ATE1: variants seen among roughly 807,000 people sequenced by gnomAD.
ATE1 encodes the protein arginyl-tRNA--protein transferase 1.
ATE1 carries 36 observed loss-of-function variants against 70.5 expected under a neutral mutation model. That is an observed-to-expected ratio of 0.51 (90% CI 0.39 to 0.67). The LOEUF is 0.67. Among genes scored for constraint, ATE1 ranks in the 30% least tolerant of loss-of-function variants. The pLI is 0.00. For synonymous variants in ATE1, 232 were observed against 219.3 expected, an observed-to-expected ratio of 1.06 and a Z score of -0.51; for missense variants, 593 against 629.5, an observed-to-expected ratio of 0.94 and a Z score of 0.62.
chr10:121,892,872 A>G (rs1329223661), intron 7 of ATE1, among the ~76,000 whole-genome samples: 1 of 152,176 alleles, frequency 6.6e-6, no homozygotes, highest in Non-Finnish European at 1.5e-5. Flanking sequence ...TATTAAGACC[A>G]CTGACATCCA....
At chr10:121,891,954 G>T (rs1470980748) in intron 7 of ATE1, among the ~76,000 whole-genome samples, 1 of 152,098 alleles carries the variant, frequency 6.6e-6, no homozygotes, top group Non-Finnish European at 1.5e-5. Context: ...ACTTTTCAAA[G>T]AACTTTTTTG....
intron 1 of ATE1, 28 bp downstream of exon 1, chr10:121,927,816 C>T: frequency 6.5e-7 from 1 of 1,539,714 alleles, no homozygotes; most frequent in Non-Finnish European, 8.7e-7. Context: ...CGCCCGGCTT[C>T]CCACGCCCGC....
chr10:121,913,776 C>A lies in ATE1; in HGVS notation c.337+14G>T. ...GACAGATAGTAAATCGTTTTTAGAC[C>A]CAGCCCATCTTACCCTCACAACTTC... On this transcript the variant is annotated intron_variant, in intron 4 of 11. Transcript: ENST00000224652. 3.8e-6 allele frequency: 6 copies of A among 1,575,518 alleles called. No individual in the cohort carries two copies. Among genetic ancestry groups the A allele is most frequent in the Non-Finnish European group, 5.2e-6 (6 of 1,150,142 alleles).
At chr10:121,853,894 T>C (rs978645435) in intron 8 of ATE1, among the ~76,000 whole-genome samples, 2 of 152,188 alleles carry the variant, frequency 1.3e-5, no homozygotes, top group Non-Finnish European at 2.9e-5. Context: ...TCTCCTCACA[T>C]GATGGTAGGG....
chr10:121,826,080 C>G (rs758413682), intron 10 of ATE1, among the ~76,000 whole-genome samples: 1 of 152,118 alleles, frequency 6.6e-6, no homozygotes, highest in Non-Finnish European at 1.5e-5. Flanking sequence ...AAGACAAATG[C>G]TATGATTCCA....
chr10:121,806,846 G>C (rs1341196745), intron 10 of ATE1, among the ~76,000 whole-genome samples: 2 of 152,222 alleles, frequency 1.3e-5, no homozygotes, highest in Non-Finnish European at 2.9e-5. Context: ...TCATTATGCT[G>C]TTCTTTCAAG....
chr10:121,917,231 C>T lies in ATE1; in HGVS notation c.234-3338G>A, dbSNP rs187913309. ...AGGGGGTAACCTGTTCAGATCAAGC[C>T]GGTCAGAAGGCTCCACAAGGGACTT... On this transcript the variant is annotated intron_variant, in intron 3 of 11. Transcript: ENST00000224652. Among the ~76,000 whole-genome samples the T allele has an allele frequency of 2.5e-3, 382 of 152,102 alleles. 4 individuals carry two copies. Among genetic ancestry groups the T allele is most frequent in the Non-Finnish European group, 3.8e-4 (26 of 68,014 alleles).
intron 11 of ATE1, among the ~76,000 whole-genome samples, chr10:121,781,389 G>A (rs2420963): frequency 0.61 from 93,337 of 152,024 alleles, 28,673 homozygotes; most frequent in South Asian, 0.66. Flanking sequence ...CAAGGGCAGA[G>A]GCATTAACAC....
intron 10 of ATE1, among the ~76,000 whole-genome samples, chr10:121,801,214 CAG>C (rs1472378789): frequency 1.3e-5 from 2 of 152,166 alleles, no homozygotes. Flanking sequence ...CACTGACAAA[CAG>C]AAAGTGACGG....
chr10:121,763,735 C>T (rs921161700), intron 11 of ATE1, among the ~76,000 whole-genome samples: 13 of 152,128 alleles, frequency 8.5e-5, no homozygotes, highest in African/African-American at 2.9e-4. Context: ...CATACCCAGC[C>T]GGGCGCAGTG....
chr10:121,856,626 A>T (rs779864714), intron 8 of ATE1, among the ~76,000 whole-genome samples: 8 of 152,252 alleles, frequency 5.3e-5, no homozygotes, highest in Non-Finnish European at 1.2e-4. Context: ...GGCAAATCAC[A>T]TAACTGTTTT....
intron 10 of ATE1, among the ~76,000 whole-genome samples, chr10:121,792,510 G>C (rs1946495766): frequency 6.6e-6 from 1 of 152,230 alleles, no homozygotes; most frequent in South Asian, 2.1e-4. Context: ...CCCTACAGCA[G>C]TAGAAGGCCA....
At chr10:121,751,409 G>A (rs1439100394) in intron 11 of ATE1, among the ~76,000 whole-genome samples, 6 of 152,146 alleles carry the variant, frequency 3.9e-5, no homozygotes, top group Admixed American at 1.3e-4. Flanking sequence ...CCAAGTGGCC[G>A]CCTCATTTGA....
At chr10:121,807,870 A>G (rs867671278) in intron 10 of ATE1, among the ~76,000 whole-genome samples, 2 of 152,214 alleles carry the variant, frequency 1.3e-5, no homozygotes, top group African/African-American at 2.4e-5. Flanking sequence ...TAAAATTTCA[A>G]TGTCCATAGA....
At chr10:121,832,065 C>G (rs1948260564) in intron 10 of ATE1, among the ~76,000 whole-genome samples, 1 of 152,074 alleles carries the variant, frequency 6.6e-6, no homozygotes, top group Non-Finnish European at 1.5e-5. Flanking sequence ...CGCCACACAC[C>G]CTGACTAGTC....
At chr10:121,902,336 T>C (rs1951013365) in intron 6 of ATE1, 55 bp downstream of exon 6, 1 of 1,464,010 alleles carries the variant, frequency 6.8e-7, no homozygotes, top group Non-Finnish European at 9.4e-7. Flanking sequence ...ATAAACGATA[T>C]GCCCAAACAA....
chr10:121,778,081 T>G (rs1945819700), intron 11 of ATE1, among the ~76,000 whole-genome samples: 1 of 152,224 alleles, frequency 6.6e-6, no homozygotes, highest in Non-Finnish European at 1.5e-5. Context: ...TTTCTAAAAT[T>G]AAAGGAAACC....
intron 1 of ATE1, chr10:121,926,726 C>CA (rs1952107989): frequency 1.0e-6 from 1 of 985,162 alleles, no homozygotes. Flanking sequence ...ACTCTAAGGC[C>CA]ATATTACCAC....
chr10:121,745,445 A>C (rs143531707), intron 11 of ATE1, among the ~76,000 whole-genome samples: 8 of 152,184 alleles, frequency 5.3e-5, no homozygotes, highest in Non-Finnish European at 8.8e-5. Context: ...GGCGGGGTGC[A>C]GTGGCTCACG....
Sources: allele counts gnomAD v4.1 joint callset (sites outside exome capture counted in the v4.1 genomes callset), GRCh38; gene constraint gnomAD v4.1.1; transcripts MANE v1.5; gene names NCBI Gene and HGNC (gene_info 2026-07-23, HGNC 2026-07-21).